Variants in IRX2 observed in about 807,000 individuals in gnomAD.
IRX2 encodes iroquois homeobox 2.
In IRX2, 26 loss-of-function variants were observed where a neutral mutation model predicts 42.9. The observed-to-expected ratio is 0.61, with a 90% CI of 0.44 to 0.84. IRX2 has a LOEUF of 0.84. Among genes scored for constraint, IRX2 ranks in the 40% least tolerant of loss-of-function variants. IRX2 has a pLI of 0.00. For synonymous variants in IRX2, 424 were observed against 353.9 expected (o/e 1.20, Z -2.22); for missense variants, 782 against 713.9 (o/e 1.10, Z -1.09).
the IRX2 span, among the ~76,000 whole-genome samples, chr5:2,738,035 C>G: frequency 2.2e-4 from 33 of 152,316 alleles, no homozygotes; most frequent in African/African-American, 7.7e-4. Flanking sequence ...AGTTGGGGTG[C>G]ATCGGCTGTG....
In IRX2 at chr5:2,751,306, C is replaced by T; in HGVS notation, c.108G>A (p.Leu36=). 7.0e-7 allele frequency: 1 copy of T among 1,436,470 alleles called. No individual in the cohort carries two copies. The highest frequency in any genetic ancestry group is 9.1e-7 in the Non-Finnish European group (1 of 1,095,252). 89.0% of individuals were successfully genotyped at this position (1,436,470 alleles called of 1,614,324 possible). A position where few individuals can be genotyped will look rare whatever the true frequency, so the allele number is the denominator to read the frequency against. The part of the protein sequence containing the change: ...SALAAPRSEE[L]ARSASGSAFS... ...ACGCCGAGCCCGACGCCGAGCGCGC[C>T]AGCTCCTCGCTGCGCGGAGCCGCCA... is the stretch of plus-strand genomic sequence containing the variant. Residue 36 remains leucine (L), a synonymous_variant, in exon 1 of 4, where the codon CTG becomes CTA. Coordinates refer to ENST00000302057, the MANE Select transcript of IRX2 (RefSeq NM_033267.5). The surrounding 1 kb of genome is among the most constrained non-coding windows in gnomAD (Gnocchi z 4.0).
chr5:2,739,538 C>A, the IRX2 span, among the ~76,000 whole-genome samples: 1 of 151,796 alleles, frequency 6.6e-6, no homozygotes, highest in African/African-American at 2.4e-5. Context: ...CAGGAGAGAC[C>A]GGGGGGACCG....
Position 2,748,999 on chromosome 5 carries a change from C to T in IRX2, c.709G>A (p.Asp237Asn), listed in dbSNP as rs749462859. ...LTDHSCSAES[D>N]GEKLPCRAGD... ...GCGCGGCACGGAAGCTTCTCCCCGTCCGACTCGGCCGAGCACGAGTGATCC... is the reference window on the plus strand; with the variant it reads ...GCGCGGCACGGAAGCTTCTCCCCGTTCGACTCGGCCGAGCACGAGTGATCC... The change falls in exon 3 of 4, where the codon GAC becomes AAC. Residue 237 changes from aspartate (D) to asparagine (N), a missense_variant. Physicochemically the swap from Asp to Asn is conservative, Grantham distance 23 (BLOSUM62 1). This residue lies in a region of IRX2 where 520 missense variants were observed against 437.8 expected (regional missense o/e 1.19). Transcript: ENST00000302057. The T allele has an allele frequency of 2.9e-5, 46 of 1,597,352 alleles. 2 individuals are homozygous for T. The Middle Eastern group carries it at 4.9e-4, about 17-fold the overall frequency.
intron 2 of IRX2, 49 bp downstream of exon 2, chr5:2,749,333 C>T: frequency 6.5e-7 from 1 of 1,543,180 alleles, no homozygotes; most frequent in South Asian, 1.3e-5. Context: ...CTGCGCCCCG[C>T]CTGGGAAGAA....
intron 1 of IRX2, among the ~76,000 whole-genome samples, chr5:2,750,406 G>C (rs927279214): frequency 4.6e-5 from 7 of 152,230 alleles, no homozygotes; most frequent in Non-Finnish European, 1.0e-4. Flanking sequence ...CCGAGGGCCG[G>C]CAGTCGCGAC....
At chr5:2,748,314 T>C (rs1579626203) in intron 3 of IRX2, 31 bp downstream of exon 3, 1 of 1,376,788 alleles carries the variant, frequency 7.3e-7, no homozygotes, top group Non-Finnish European at 9.3e-7. Flanking sequence ...CTCCCTCCCC[T>C]CCCGGGCGCC....
chr5:2,739,807 C>T, the IRX2 span, among the ~76,000 whole-genome samples: 1 of 152,132 alleles, frequency 6.6e-6, no homozygotes, highest in African/African-American at 2.4e-5. Flanking sequence ...ACGGAGGAGT[C>T]CCGACCACCA....
chr5:2,740,278 A>G, the IRX2 span, among the ~76,000 whole-genome samples: 2 of 151,622 alleles, frequency 1.3e-5, no homozygotes, highest in Non-Finnish European at 1.5e-5. Context: ...GCCTCGGCCC[A>G]GGGCTCCCAG....
the IRX2 span, chr5:2,736,730 AT>A: frequency 1.3e-5 from 2 of 152,164 alleles, no homozygotes; most frequent in Admixed American, 1.3e-4. Flanking sequence ...TACTTTATGA[AT>A]TATTCTGTCT....
In IRX2 at chr5:2,751,576, C is replaced by CGGCGGCGGGGT. The variant is rs1230376273; in HGVS notation, c.-174_-164dup. On this transcript the variant is annotated 5_prime_UTR_variant, in exon 1 of 4. Coordinates refer to ENST00000302057, the MANE Select transcript of IRX2 (RefSeq NM_033267.5). The surrounding 1 kb of genome is among the most constrained non-coding windows in gnomAD (Gnocchi z 4.0). ...AGCCTGGGCGGCCCGCGGGCCGGGG[C>CGGCGGCGGGGT]GGCGGCGGGGTGGCGGTGGCGGCGG... 1.9e-5 allele frequency: 5 copies of CGGCGGCGGGGT among 262,442 alleles called. No homozygotes were observed. The East Asian group carries it at 7.5e-4, about 39-fold the overall frequency. 16.3% of individuals were successfully genotyped at this position (262,442 alleles called of 1,614,324 possible).
At chr5:2,738,796 GACCCTCCACCTGA>G in the IRX2 span, among the ~76,000 whole-genome samples, 2 of 152,148 alleles carry the variant, frequency 1.3e-5, no homozygotes, top group African/African-American at 4.8e-5. Context: ...TGGCTCCAGA[GACCCTCCACCTGA>G]ACTACCCGCT....
At chr5:2,745,848 G>A (rs146019635), downstream of IRX2, 6 of 151,992 alleles carry the variant, frequency 3.9e-5, no homozygotes, top group East Asian at 9.7e-4. Flanking sequence ...AAATGCATAG[G>A]GTGTCAGATC....
chr5:2,749,895 CT>C, intron 1 of IRX2, 108 bp from the exon 2 acceptor site: 1 of 1,200,112 alleles, frequency 8.3e-7, no homozygotes, highest in South Asian at 1.5e-5. Context: ...CCCCGTGAGT[CT>C]GGCTCTGGGG....
chr5:2,749,640 G>A lies in IRX2; in HGVS notation c.397C>T (p.Leu133Phe). The A allele has an allele frequency of 6.2e-7, 1 of 1,614,228 alleles. No homozygotes were observed. ...RDATATLKAW[L>F]NEHRKNPYPT... ...TAGGGGTTCTTGCGGTGCTCGTTGA[G>A]CCAGGCCTTGAGAGTGGCCGTGGCG... The change falls in exon 2 of 4, where the codon CTC (leucine) becomes TTC (phenylalanine). Residue 133 changes from leucine (L) to phenylalanine (F), a missense_variant. Transcript: ENST00000302057.
chr5:2,748,871 C>T lies in IRX2; in HGVS notation c.837G>A (p.Pro279=), dbSNP rs1197985032. 6.3e-7 allele frequency: 1 copy of T among 1,592,928 alleles called. No individual in the cohort carries two copies. Among genetic ancestry groups the T allele is most frequent in the Admixed American group, 1.7e-5 (1 of 59,654 alleles). ...GCGGCGACGAGGTCACGGGCTTGGG[C>T]GGCGCCAGGCCCCGCTCGCCCTCCT... ...DDEEGERGLA[P]PKPVTSSPLT... is the part of the protein sequence containing the mutation. Residue 279 remains proline, a synonymous_variant, in exon 3 of 4, where the codon CCG becomes CCA. Coordinates refer to ENST00000302057, the MANE Select transcript of IRX2 (RefSeq NM_033267.5).
chr5:2,746,393 C>G lies in IRX2; in HGVS notation c.*1171G>C, dbSNP rs1180441496. ...AATTTGTTTCCACTTCTGAAGTACT[C>G]AAGTTCTTCCATCACGTTTTATTTC... On this transcript the variant is annotated 3_prime_UTR_variant, in exon 4 of 4. Transcript: ENST00000302057. The G allele has an allele frequency of 2.6e-5, 4 of 152,288 alleles. No individual in the cohort carries two copies. Among genetic ancestry groups the G allele is most frequent in the South Asian group, 4.1e-4 (2 of 4,822 alleles). 9.4% of individuals were successfully genotyped at this position (152,288 alleles called of 1,614,324 possible). A position where few individuals can be genotyped will look rare whatever the true frequency, so the allele number is the denominator to read the frequency against.
the IRX2 span, among the ~76,000 whole-genome samples, chr5:2,738,494 C>T: frequency 1.5e-4 from 23 of 152,288 alleles, no homozygotes; most frequent in South Asian, 4.4e-3. Context: ...GATTCGCCCC[C>T]CTGTTCCCCG....
Position 2,751,511 on chromosome 5 carries a change from G to A in IRX2, c.-98C>T, listed in dbSNP as rs1737988735. 1.2e-6 allele frequency: 1 copy of A among 862,686 alleles called. No individual in the cohort carries two copies. Among genetic ancestry groups the A allele is most frequent in the Admixed American group, 6.4e-5 (1 of 15,514 alleles). 53.4% of individuals were successfully genotyped at this position (862,686 alleles called of 1,614,324 possible). ...CGGCCGGGGCGCGGCGCGGCGGCGGGCACCCGGACGGCCGGCGGAGGCAGG... is the reference window on the plus strand; with the variant it reads ...CGGCCGGGGCGCGGCGCGGCGGCGGACACCCGGACGGCCGGCGGAGGCAGG... On this transcript the variant is annotated 5_prime_UTR_variant, in exon 1 of 4. Coordinates refer to ENST00000302057, the MANE Select transcript of IRX2 (RefSeq NM_033267.5). The surrounding 1 kb of genome is among the most constrained non-coding windows in gnomAD (Gnocchi z 4.0).
chr5:2,748,960 A>G lies in IRX2; in HGVS notation c.748T>C (p.Cys250Arg). The change falls in exon 3 of 4, where the codon TGC becomes CGC. Residue 250 changes from cysteine to arginine, a missense_variant. By Grantham distance (180) the Cys-to-Arg change is radical. This residue lies in a region of IRX2 where 520 missense variants were observed against 437.8 expected (regional missense o/e 1.19). Transcript: ENST00000302057. ...TCCTTGCACTCCGAGCCCGATTCGC[A>G]CAGGGGGTCCCCGGCGCGGCACGGA... ...KLPCRAGDPL[C>R]ESGSECKDKY... 1 of 1,596,806 alleles carries G rather than the reference A, an allele frequency of 6.3e-7. No individual in the cohort carries two copies. Among genetic ancestry groups the G allele is most frequent in the Non-Finnish European group, 8.5e-7 (1 of 1,179,368 alleles).
Sources: gnomAD v4.1 joint callset for allele counts (sites outside exome capture counted in the v4.1 genomes callset) on GRCh38, gnomAD v4.1.1 for gene constraint, gnomAD v4.1.1 regional missense constraint, Gnocchi (gnomAD v3.1) non-coding constraint, MANE v1.5 for transcripts, NCBI Gene and HGNC (gene_info 2026-07-23, HGNC 2026-07-21) for gene names.